Variants in RBM42 observed in about 807,000 individuals in gnomAD.
RBM42 encodes the protein RNA-binding protein 42.
A neutral mutation model predicts 41.4 loss-of-function variants in RBM42; 21 were observed. The observed-to-expected ratio is 0.51, with a 90% CI of 0.36 to 0.73. RBM42 has a LOEUF of 0.73. Among genes scored for constraint, RBM42 ranks in the 30% least tolerant of loss-of-function variants. RBM42 has a pLI of 0.00. For synonymous variants in RBM42, 272 were observed against 271.2 expected (o/e 1.00, Z -0.03); for missense variants, 539 against 680.4 (o/e 0.79, Z 2.31).
chr19:35,634,068 C>T, intron 7 of RBM42, 49 bp downstream of exon 7: 1 of 1,469,644 alleles, frequency 6.8e-7, no homozygotes, highest in Non-Finnish European at 9.0e-7. Context: ...GGGGGGCAGA[C>T]AGGAGCCCAG....
intron 2 of RBM42, 152 bp from the exon 3 acceptor site, chr19:35,630,988 G>A: frequency 1.5e-6 from 1 of 671,814 alleles, no homozygotes; most frequent in East Asian, 2.6e-5. Context: ...GATCCAAAAA[G>A]CCTCCCCGAG....
At chr19:35,634,792 G>C (rs1265297442) in intron 8 of RBM42, among the ~76,000 whole-genome samples, 1 of 151,478 alleles carries the variant, frequency 6.6e-6, no homozygotes, top group East Asian at 2.0e-4. Context: ...CCAAAGTGCT[G>C]GGATTACAGG....
intron 2 of RBM42, 82 bp downstream of exon 2, chr19:35,629,755 G>C (rs1967372207): frequency 1.4e-6 from 2 of 1,465,760 alleles, no homozygotes; most frequent in East Asian, 2.3e-5. Context: ...AGCTGTTGAC[G>C]TTTTGGCTTG....
Position 35,633,833 on chromosome 19 carries a change from T to G in RBM42, c.831T>G (p.Pro277=), listed in dbSNP as rs1442714651. Residue 277 remains proline (P), a synonymous_variant, in exon 7 of 10, where the codon CCT becomes CCG. Transcript: ENST00000262633. Reference sequence around the variant, plus strand: ...GGGCAGGAGGTGCCCCAGCTGGCCCTGCAGTCATTGGGCCCAGCCTGCCGC... The same window carrying G: ...GGGCAGGAGGTGCCCCAGCTGGCCCGGCAGTCATTGGGCCCAGCCTGCCGC... ...AVGAGGAPAG[P]AVIGPSLPLA... 6.5e-7 allele frequency: 1 copy of G among 1,550,340 alleles called. No individual in the cohort carries two copies. Among genetic ancestry groups the G allele is most frequent in the Non-Finnish European group, 8.7e-7 (1 of 1,152,458 alleles).
At position 35,631,392 on chromosome 19, in the gene RBM42, C is replaced by T. The variant is rs1967402886; in HGVS notation, c.429C>T (p.Phe143=). Residue 143 remains phenylalanine (F), a synonymous_variant, in exon 4 of 10, where the codon TTC becomes TTT. Coordinates refer to ENST00000262633, the MANE Select transcript of RBM42 (RefSeq NM_024321.5). ...GCCCAGAGGCTCGAGAAGCCATGTTCCTGCGGCGGGCAGGTGAGTCTGGGG... is the reference window on the plus strand; with the variant it reads ...GCCCAGAGGCTCGAGAAGCCATGTTTCTGCGGCGGGCAGGTGAGTCTGGGG... The part of the protein sequence containing the change: ...LDSPEAREAM[F]LRRAAVAPQR... The T allele has an allele frequency of 6.2e-7, 1 of 1,614,070 alleles. No homozygotes were observed. Among genetic ancestry groups the T allele is most frequent in the Non-Finnish European group, 8.5e-7 (1 of 1,180,026 alleles).
chr19:35,629,092 G>A lies in RBM42; in HGVS notation c.-62G>A. 1 of 1,478,536 alleles carries A rather than the reference G, an allele frequency of 6.8e-7. No individual in the cohort carries two copies. Among genetic ancestry groups the A allele is most frequent in the Non-Finnish European group, 8.9e-7 (1 of 1,118,488 alleles). 91.6% of individuals were successfully genotyped at this position (1,478,536 alleles called of 1,614,324 possible). ...CCCGGACGAAGGGGGAGAGTAGACAGCAGAACCAGCGGCGGCGGCTAAGCA... is the reference window on the plus strand; with the variant it reads ...CCCGGACGAAGGGGGAGAGTAGACAACAGAACCAGCGGCGGCGGCTAAGCA... On this transcript the variant is annotated 5_prime_UTR_variant, in exon 1 of 10. Coordinates refer to ENST00000262633, the MANE Select transcript of RBM42 (RefSeq NM_024321.5).
chr19:35,634,054 G>A, intron 7 of RBM42, 35 bp downstream of exon 7: 1 of 1,468,682 alleles, frequency 6.8e-7, no homozygotes, highest in East Asian at 2.4e-5. Context: ...GGGACAGAAG[G>A]GACGGGGGGC....
At chr19:35,636,284 G>A (rs938351720) in intron 8 of RBM42, among the ~76,000 whole-genome samples, 4 of 151,506 alleles carry the variant, frequency 2.6e-5, no homozygotes, top group Admixed American at 1.3e-4. Flanking sequence ...TCAGCCTTCC[G>A]AGTAGCTGGG....
In RBM42 at chr19:35,631,372, G is replaced by A. The variant is rs1317813896; in HGVS notation, c.409G>A (p.Glu137Lys). 1 of 1,614,246 alleles carries A rather than the reference G, an allele frequency of 6.2e-7. No individual in the cohort carries two copies. Among genetic ancestry groups the A allele is most frequent in the Admixed American group, 1.7e-5 (1 of 60,026 alleles). Residue 137 changes from glutamate (E) to lysine (K), a missense_variant, in exon 4 of 10, where the codon GAG (glutamate) becomes AAG (lysine). By Grantham distance (56) the Glu-to-Lys change is moderately conservative. Coordinates refer to ENST00000262633, the MANE Select transcript of RBM42 (RefSeq NM_024321.5). ...PGDRSHLDSP[E>K]AREAMFLRRA... is the part of the protein sequence containing the mutation. ...TGATCGGAGTCACCTGGACAGCCCA[G>A]AGGCTCGAGAAGCCATGTTCCTGCG...
chr19:35,634,387 G>A lies in RBM42; in HGVS notation c.1135+14G>A. The stretch of plus-strand genomic sequence containing the variant: ...AGTGGGATGCAGGTAAGCTGCTGAA[G>A]CTCGAGGTCAGGCGTGGCTCGGCCA... On this transcript the variant is annotated intron_variant, in intron 8 of 9. Coordinates refer to ENST00000262633, the MANE Select transcript of RBM42 (RefSeq NM_024321.5). 1 of 1,603,662 alleles carries A rather than the reference G, an allele frequency of 6.2e-7. No individual in the cohort carries two copies. The highest frequency in any genetic ancestry group is 8.5e-7 in the Non-Finnish European group (1 of 1,171,038).
chr19:35,633,692 G>A lies in RBM42; in HGVS notation c.690G>A (p.Glu230=). The A allele has an allele frequency of 2.1e-6, 3 of 1,455,956 alleles. No homozygotes were observed. The highest frequency in any genetic ancestry group is 3.0e-5 in the South Asian group (2 of 66,702). 90.2% of individuals were successfully genotyped at this position (1,455,956 alleles called of 1,614,324 possible). ...TGCTCTCCTCTTACCCACAGGAAGA[G>A]CCAGCAGCACCCCGAGAGCTGGGCC... is the stretch of plus-strand genomic sequence containing the variant. ...SMAALRPPLE[E]PAAPRELGLG... Residue 230 remains glutamate, a synonymous_variant, in exon 7 of 10, where the codon GAG becomes GAA. Coordinates refer to ENST00000262633, the MANE Select transcript of RBM42 (RefSeq NM_024321.5).
At chr19:35,632,528 C>T (rs1211337656) in intron 4 of RBM42, among the ~76,000 whole-genome samples, 2 of 152,220 alleles carry the variant, frequency 1.3e-5, no homozygotes, top group Non-Finnish European at 2.9e-5. Flanking sequence ...GTCCCTTTCT[C>T]CAGGAAGCCT....
At chr19:35,632,895 C>A in intron 4 of RBM42, 41 bp from the exon 5 acceptor site, 1 of 822,500 alleles carries the variant, frequency 1.2e-6, no homozygotes, top group Non-Finnish European at 2.2e-6. Context: ...CCAAGTGCCC[C>A]TGTCCCCCAT....
intron 8 of RBM42, among the ~76,000 whole-genome samples, 180 bp downstream of exon 8, chr19:35,634,553 C>G (rs1294967006): frequency 6.6e-6 from 1 of 151,920 alleles, no homozygotes; most frequent in East Asian, 1.9e-4. Flanking sequence ...TGGGCCGGAG[C>G]TTGGTGGAGG....
chr19:35,631,473 C>A, intron 4 of RBM42, 68 bp downstream of exon 4: 1 of 1,446,212 alleles, frequency 6.9e-7, no homozygotes, highest in Non-Finnish European at 9.6e-7. Context: ...CAGCCTCTTG[C>A]CTAAATCCTT....
intron 2 of RBM42, among the ~76,000 whole-genome samples, chr19:35,630,575 G>A (rs1967388286): frequency 6.6e-6 from 1 of 152,188 alleles, no homozygotes; most frequent in African/African-American, 2.4e-5. Flanking sequence ...AGACCAACCT[G>A]GCCAACATGG....
intron 2 of RBM42, among the ~76,000 whole-genome samples, chr19:35,630,103 C>T (rs1236857254): frequency 1.3e-5 from 2 of 152,022 alleles, no homozygotes; most frequent in Non-Finnish European, 2.9e-5. Flanking sequence ...ATCACGAGGT[C>T]AAGAGATCGA....
chr19:35,634,067 A>G lies in RBM42; in HGVS notation c.1017+48A>G, dbSNP rs776518438. On this transcript the variant is annotated intron_variant, in intron 7 of 9. Coordinates refer to ENST00000262633, the MANE Select transcript of RBM42 (RefSeq NM_024321.5). ...AAGGGACAGAAGGGACGGGGGGCAGACAGGAGCCCAGGAACTTCCACACAG... is the reference window on the plus strand; with the variant it reads ...AAGGGACAGAAGGGACGGGGGGCAGGCAGGAGCCCAGGAACTTCCACACAG... The G allele has an allele frequency of 4.8e-6, 7 of 1,469,784 alleles. No individual in the cohort carries two copies. In the Admixed American group the frequency reaches 1.5e-4, roughly 32 times the overall value. The allele number at this position is 1,469,784 out of a possible 1,614,324, so 91.0% of individuals were successfully genotyped here. A position where few individuals can be genotyped will look rare whatever the true frequency, so the allele number is the denominator to read the frequency against.
intron 4 of RBM42, 124 bp from the exon 5 acceptor site, chr19:35,632,812 C>T (rs1473772736): frequency 3.1e-6 from 2 of 648,438 alleles, no homozygotes; most frequent in African/African-American, 3.7e-5. Context: ...AGGAGGGCTC[C>T]CCAGACTCTT....
Sources: allele counts gnomAD v4.1 joint callset (sites outside exome capture counted in the v4.1 genomes callset), GRCh38; gene constraint gnomAD v4.1.1; transcripts MANE v1.5; gene names NCBI Gene and HGNC (gene_info 2026-07-23, HGNC 2026-07-21).